Variants in PRELID2 observed in about 807,000 individuals in gnomAD.
PRELID2 encodes the protein PRELI domain-containing protein 2.
Under a neutral mutation model 28.4 loss-of-function variants are expected in PRELID2, and 25 were observed. The observed-to-expected ratio is 0.88, with a 90% CI of 0.64 to 1.23. PRELID2 has a LOEUF of 1.23. Ranked by LOEUF, PRELID2 falls within the 50% of genes most tolerant of loss-of-function variation. PRELID2 has a pLI of 0.00. For missense variants in PRELID2, 201 were observed against 214.4 expected (o/e 0.94, Z 0.39); for synonymous variants, 76 against 71.6 (o/e 1.06, Z -0.31).
At chr5:145,716,831 G>A (rs1755857189) in intron 1 of PRELID2, among the ~76,000 whole-genome samples, 1 of 152,094 alleles carries the variant, frequency 6.6e-6, no homozygotes. Context: ...TGTTTTATCT[G>A]CACAATAACT....
chr5:145,423,984 AGTACCCTGCC>A, the PRELID2 span, among the ~76,000 whole-genome samples: 1 of 151,498 alleles, frequency 6.6e-6, no homozygotes, highest in Non-Finnish European at 1.5e-5. Context: ...GGTCTGTTGG[AGTACCCTGCC>A]GTGTGAGGTG....
At chr5:145,324,114 A>C in the PRELID2 span, among the ~76,000 whole-genome samples, 1 of 152,204 alleles carries the variant, frequency 6.6e-6, no homozygotes, top group Non-Finnish European at 1.5e-5. Context: ...CTCCACAAAG[A>C]ATTCGGACTA....
the PRELID2 span, among the ~76,000 whole-genome samples, chr5:145,323,220 AG>A: frequency 6.6e-6 from 1 of 151,918 alleles, no homozygotes; most frequent in Non-Finnish European, 1.5e-5. Flanking sequence ...AAAGCTAGAA[AG>A]GGCATGGCAG....
At chr5:145,385,497 A>T in the PRELID2 span, among the ~76,000 whole-genome samples, 1 of 152,154 alleles carries the variant, frequency 6.6e-6, no homozygotes, top group Non-Finnish European at 1.5e-5. Context: ...GGAAAAATGC[A>T]AACTGACCAC....
chr5:145,263,699 G>A, the PRELID2 span, among the ~76,000 whole-genome samples: 30 of 152,028 alleles, frequency 2.0e-4, no homozygotes, highest in African/African-American at 7.2e-4. Context: ...AAGATTCAAG[G>A]CTACTATGAA....
chr5:145,763,343 G>A (rs1757570090), intron 6 of PRELID2, among the ~76,000 whole-genome samples: 1 of 152,232 alleles, frequency 6.6e-6, no homozygotes. Context: ...GGGTGTAGGA[G>A]TAAACCATAT....
the PRELID2 span, among the ~76,000 whole-genome samples, chr5:145,243,765 C>A: frequency 2.6e-5 from 4 of 152,006 alleles, no homozygotes; most frequent in Non-Finnish European, 5.9e-5. Flanking sequence ...AATAAATATT[C>A]AACAAAAGTT....
chr5:145,691,288 C>A (rs1349543164), intron 1 of PRELID2, among the ~76,000 whole-genome samples: 1 of 152,164 alleles, frequency 6.6e-6, no homozygotes, highest in Admixed American at 6.5e-5. Flanking sequence ...AACATAGGAC[C>A]AAGCACAGTT....
At chr5:145,295,637 A>T in the PRELID2 span, among the ~76,000 whole-genome samples, 1 of 152,128 alleles carries the variant, frequency 6.6e-6, no homozygotes. Flanking sequence ...TAAATCTGGA[A>T]GAGTTCTTTA....
intron 1 of PRELID2, among the ~76,000 whole-genome samples, chr5:145,576,839 T>C (rs1342087664): frequency 6.6e-6 from 1 of 152,122 alleles, no homozygotes; most frequent in Non-Finnish European, 1.5e-5. Context: ...AATAAAATAG[T>C]AATGTTTGAG....
At chr5:145,734,633 C>T (rs144172152) in intron 1 of PRELID2, among the ~76,000 whole-genome samples, 23 of 152,260 alleles carry the variant, frequency 1.5e-4, no homozygotes, top group African/African-American at 5.1e-4. Flanking sequence ...CTAATCCAGC[C>T]AGCCAATCTC....
intron 5 of PRELID2, among the ~76,000 whole-genome samples, chr5:145,781,774 A>ATATATG (rs1581191239): frequency 6.8e-6 from 1 of 147,700 alleles, no homozygotes; most frequent in Admixed American, 6.8e-5. Flanking sequence ...ATATATATAT[A>ATATATG]TATACTATAT....
chr5:145,575,010 T>C (rs1160714276), intron 1 of PRELID2, among the ~76,000 whole-genome samples: 1 of 152,178 alleles, frequency 6.6e-6, no homozygotes, highest in Non-Finnish European at 1.5e-5. Context: ...TTGACTATAC[T>C]CACAATGAAT....
chr5:145,503,540 T>C (rs1164720999), intron 1 of PRELID2, among the ~76,000 whole-genome samples: 1 of 151,190 alleles, frequency 6.6e-6, no homozygotes, highest in Non-Finnish European at 1.5e-5. Flanking sequence ...ATGAAAAAAA[T>C]CACTATTATC....
the PRELID2 span, among the ~76,000 whole-genome samples, chr5:145,327,907 A>G: frequency 6.6e-6 from 1 of 152,042 alleles, no homozygotes; most frequent in East Asian, 1.9e-4. Flanking sequence ...TACATTAGGT[A>G]TTACTCCTAA....
chr5:145,803,126 G>A (rs988349391), intron 4 of PRELID2, among the ~76,000 whole-genome samples: 4 of 152,116 alleles, frequency 2.6e-5, no homozygotes, highest in African/African-American at 9.7e-5. Flanking sequence ...GCATTCTCCT[G>A]TAAGCACACA....
At chr5:145,552,315 T>A (rs1297447908) in intron 1 of PRELID2, among the ~76,000 whole-genome samples, 1 of 152,114 alleles carries the variant, frequency 6.6e-6, no homozygotes, top group Non-Finnish European at 1.5e-5. Flanking sequence ...ATGTCCACCT[T>A]CTCCCCCTGC....
the PRELID2 span, among the ~76,000 whole-genome samples, chr5:145,286,293 C>T: frequency 3.3e-5 from 5 of 152,212 alleles, no homozygotes; most frequent in Admixed American, 1.3e-4. Flanking sequence ...GCAGAGCCCA[C>T]ACTACTTACC....
chr5:145,551,355 T>C (rs1477103777), intron 1 of PRELID2, among the ~76,000 whole-genome samples: 2 of 151,844 alleles, frequency 1.3e-5, no homozygotes, highest in Non-Finnish European at 2.9e-5. Context: ...GAGCCGAGAT[T>C]GTGCCACTGC....
Sources: allele counts gnomAD v4.1 joint callset (sites outside exome capture counted in the v4.1 genomes callset), GRCh38; gene constraint gnomAD v4.1.1; transcripts MANE v1.5; gene names NCBI Gene and HGNC (gene_info 2026-07-23, HGNC 2026-07-21).